RBFOX1: variants seen among roughly 807,000 people sequenced by gnomAD.
RBFOX1 encodes RNA binding fox-1 homolog 1.
Under a neutral mutation model 57.7 loss-of-function variants are expected in RBFOX1, and 8 were observed. The ratio of observed to expected loss-of-function variants is 0.14; its 90% CI spans 0.08 to 0.25. The LOEUF (loss-of-function observed/expected upper bound fraction) is 0.25, where lower values mean the gene tolerates loss of function less well. Ranked by LOEUF, RBFOX1 falls within the 10% of genes least tolerant of loss-of-function variation. RBFOX1 has a pLI of 1.00. For synonymous variants in RBFOX1, 326 were observed against 222.4 expected (o/e 1.47, Z -4.15); for missense variants, 611 against 548.5 (o/e 1.11, Z -1.14).
chr16:6,198,401 A>C (rs2097194250), intron 1 of RBFOX1, among the ~76,000 whole-genome samples: 3 of 152,180 alleles, frequency 2.0e-5, no homozygotes, highest in Admixed American at 2.0e-4. Context: ...TTTGTCTATG[A>C]CTTTGTGAAT....
At chr16:5,408,485 C>T (rs1230751909) in intron 1 of RBFOX1, among the ~76,000 whole-genome samples, 2 of 152,198 alleles carry the variant, frequency 1.3e-5, no homozygotes, top group African/African-American at 2.4e-5. Context: ...TGGGTTCTCA[C>T]ACTGTGCCAC....
chr16:7,302,854 T>C (rs1008026003), intron 4 of RBFOX1, among the ~76,000 whole-genome samples: 7 of 151,122 alleles, frequency 4.6e-5, no homozygotes, highest in Non-Finnish European at 7.4e-5. Context: ...AATCTACTAA[T>C]GAATAATTAT....
intron 2 of RBFOX1, among the ~76,000 whole-genome samples, chr16:6,565,227 C>T (rs1017401241): frequency 2.7e-5 from 4 of 150,718 alleles, no homozygotes; most frequent in East Asian, 3.9e-4. Context: ...TAGCCATAGG[C>T]CCCCAAATGT....
At chr16:5,845,072 T>C (rs7187325) in intron 3 of RBFOX1, among the ~76,000 whole-genome samples, 17,531 of 151,762 alleles carry the variant, frequency 0.12, 1,460 homozygotes, top group African/African-American at 0.23. Context: ...TTTTTTTTTT[T>C]TTTTTTTCTG....
chr16:6,426,519 T>A (rs2093933183), intron 2 of RBFOX1, among the ~76,000 whole-genome samples: 1 of 152,040 alleles, frequency 6.6e-6, no homozygotes, highest in Non-Finnish European at 1.5e-5. Context: ...TCGTCCCAGC[T>A]ACCTGGGAGG....
intron 2 of RBFOX1, among the ~76,000 whole-genome samples, chr16:6,448,233 C>G (rs1195418460): frequency 8.1e-6 from 1 of 123,510 alleles, no homozygotes; most frequent in African/African-American, 3.1e-5. Flanking sequence ...GATTTTGGCT[C>G]ACTGCAATCT....
At chr16:7,402,673 A>G (rs535166138) in intron 4 of RBFOX1, among the ~76,000 whole-genome samples, 4 of 152,216 alleles carry the variant, frequency 2.6e-5, no homozygotes, top group Non-Finnish European at 5.9e-5. Flanking sequence ...ATGCTGTTTC[A>G]GATGAGCCTA....
At chr16:6,488,991 A>T (rs558097131) in intron 2 of RBFOX1, among the ~76,000 whole-genome samples, 2 of 152,188 alleles carry the variant, frequency 1.3e-5, no homozygotes, top group Admixed American at 1.3e-4. Flanking sequence ...TAGGATCATG[A>T]TGCAAAATCA....
At chr16:6,891,131 G>C (rs1335947120) in intron 3 of RBFOX1, among the ~76,000 whole-genome samples, 1 of 152,164 alleles carries the variant, frequency 6.6e-6, no homozygotes, top group African/African-American at 2.4e-5. Flanking sequence ...GTGACTTTCA[G>C]TTAAAGCCTA....
chr16:5,891,353 A>T (rs760839140), intron 4 of RBFOX1, among the ~76,000 whole-genome samples: 1 of 152,128 alleles, frequency 6.6e-6, no homozygotes, highest in African/African-American at 2.4e-5. Context: ...CTTGGTTTCA[A>T]GTTCTTTGTG....
At chr16:6,137,909 C>T (rs142735591) in intron 1 of RBFOX1, among the ~76,000 whole-genome samples, 2 of 152,204 alleles carry the variant, frequency 1.3e-5, no homozygotes, top group East Asian at 3.9e-4. Flanking sequence ...TACACCAGGC[C>T]TTCACAGCAT....
chr16:5,301,439 G>A (rs925669081), intron 1 of RBFOX1, among the ~76,000 whole-genome samples: 9 of 151,994 alleles, frequency 5.9e-5, no homozygotes, highest in African/African-American at 2.2e-4. Flanking sequence ...CTAACACGGT[G>A]AAACCCCATC....
intron 13 of RBFOX1, among the ~76,000 whole-genome samples, chr16:7,674,497 C>G (rs1397672136): frequency 6.6e-6 from 1 of 152,196 alleles, no homozygotes; most frequent in Non-Finnish European, 1.5e-5. Flanking sequence ...TAAAATCTCT[C>G]CGCTGGCTCT....
intron 4 of RBFOX1, among the ~76,000 whole-genome samples, chr16:7,362,411 T>G (rs2097345074): frequency 6.6e-6 from 1 of 151,758 alleles, no homozygotes; most frequent in Non-Finnish European, 1.5e-5. Context: ...GTGTATATGT[T>G]TTGTGTGTAT....
chr16:7,529,785 G>C (rs1873540328), intron 5 of RBFOX1, among the ~76,000 whole-genome samples: 1 of 152,048 alleles, frequency 6.6e-6, no homozygotes, highest in South Asian at 2.1e-4. Flanking sequence ...GAGACGGGCA[G>C]ATCACTTGAG....
intron 3 of RBFOX1, among the ~76,000 whole-genome samples, chr16:5,823,004 C>G (rs1449647746): frequency 6.6e-6 from 1 of 152,196 alleles, no homozygotes; most frequent in Non-Finnish European, 1.5e-5. Flanking sequence ...AGGAACTATG[C>G]TGTGTAGTAG....
intron 2 of RBFOX1, among the ~76,000 whole-genome samples, chr16:5,470,424 G>C (rs1177556632): frequency 6.6e-6 from 1 of 152,184 alleles, no homozygotes; most frequent in Non-Finnish European, 1.5e-5. Context: ...TGGGTCATTT[G>C]ATTGCGTTGG....
At chr16:5,920,236 A>G (rs941510732) in intron 4 of RBFOX1, among the ~76,000 whole-genome samples, 6 of 152,152 alleles carry the variant, frequency 3.9e-5, no homozygotes, top group Admixed American at 2.6e-4. Context: ...ACCCGGCCAT[A>G]TTAGTACTTC....
At chr16:6,049,229 A>G (rs2095527200) in intron 1 of RBFOX1, among the ~76,000 whole-genome samples, 1 of 151,698 alleles carries the variant, frequency 6.6e-6, no homozygotes, top group Non-Finnish European at 1.5e-5. Flanking sequence ...ATGCCTGGCT[A>G]ATTTTTGTAT....
Sources: gnomAD v4.1 joint callset for allele counts (sites outside exome capture counted in the v4.1 genomes callset) on GRCh38, gnomAD v4.1.1 for gene constraint, MANE v1.5 for transcripts, NCBI Gene and HGNC (gene_info 2026-07-23, HGNC 2026-07-21) for gene names.